Variants in PWWP3B observed in about 807,000 individuals in gnomAD.
PWWP3B encodes the protein PWWP domain containing 3B, also known as PWWP domain-containing DNA repair factor 3B.
In PWWP3B, 5 loss-of-function variants were observed where a neutral mutation model predicts 15.7. The ratio of observed to expected loss-of-function variants is 0.32; its 90% CI spans 0.17 to 0.67. The LOEUF (loss-of-function observed/expected upper bound fraction) is 0.67, where lower values mean the gene tolerates loss of function less well. Among genes scored for constraint, PWWP3B ranks in the 30% least tolerant of loss-of-function variants. PWWP3B has a pLI of 0.74. For missense variants in PWWP3B, 519 were observed against 493.1 expected (o/e 1.05, Z -0.50); for synonymous variants, 203 against 179.8 (o/e 1.13, Z -1.03).
At position 106,206,365 on chromosome X, in the gene PWWP3B, G is replaced by A; in HGVS notation, c.933G>A (p.Gly311=). The A allele has an allele frequency of 1.7e-6, 2 of 1,205,072 alleles. No individual in the cohort carries two copies. Among genetic ancestry groups the A allele is most frequent in the East Asian group, 3.0e-5 (1 of 33,734 alleles). ...AGATGGGGGCTGCAGCATGCCCTGG[G>A]AGTTGTTCAAGGGAATGCGAGGTTT... The part of the protein sequence containing the change: ...ESEMGAAACP[G]SCSRECEVSF... The change falls in exon 4 of 4, where the codon GGG becomes GGA. Residue 311 remains glycine, a synonymous_variant. Coordinates refer to ENST00000357175, the MANE Select transcript of PWWP3B (RefSeq NM_001171020.2).
At position 106,169,878 on chromosome X, in the gene PWWP3B, T is replaced by A. The variant is rs747766448; in HGVS notation, c.-528-1134T>A. On this transcript the variant is annotated intron_variant, in intron 1 of 3. Transcript: ENST00000357175. ...ATTTGTTTACCAAAAAGAATGTGCA[T>A]GCATTCGTACAGTGTATGCAATAAA... Among the ~76,000 whole-genome samples the A allele has an allele frequency of 7.1e-5, 8 of 112,081 alleles. No homozygotes were observed. In the South Asian group the frequency reaches 3.0e-3, roughly 42 times the overall value.
chrX:106,179,679 A>G (rs1384401331), intron 2 of PWWP3B, among the ~76,000 whole-genome samples: 1 of 111,822 alleles, frequency 8.9e-6, no homozygotes, highest in East Asian at 2.8e-4. Flanking sequence ...AAGAATTAAC[A>G]CAGCTGGATC....
chrX:106,173,522 G>C (rs1002491592), intron 2 of PWWP3B, among the ~76,000 whole-genome samples: 1 of 110,349 alleles, frequency 9.1e-6, no homozygotes, highest in East Asian at 2.8e-4. Context: ...TTTTTTATCT[G>C]ATCTCTTTTC....
At chrX:106,175,040 CAAAAA>C (rs61441273) in intron 2 of PWWP3B, among the ~76,000 whole-genome samples, 1 of 43,544 alleles carries the variant, frequency 2.3e-5, no homozygotes. Context: ...GACTCTGTCT[CAAAAA>C]AAAAAAAAAA....
rs770879476 is a variant in PWWP3B at position 106,206,069 on chromosome X, G to C, written c.637G>C (p.Asp213His). ...TGAAAAAGAGAACAAGAATAAGATT[G>C]ATATCTCAGCAGTTATGTCTGTGCA... ...NDEKENKNKI[D>H]ISAVMSVHSA... The change falls in exon 4 of 4, where the codon GAT (aspartate) becomes CAT (histidine). Residue 213 changes from aspartate (D) to histidine (H), a missense_variant. Asp to His is a moderately conservative substitution (Grantham distance 81). Coordinates refer to ENST00000357175, the MANE Select transcript of PWWP3B (RefSeq NM_001171020.2). The C allele has an allele frequency of 1.7e-5, 20 of 1,209,432 alleles. No individual in the cohort carries two copies. The highest frequency in any genetic ancestry group is 2.3e-4 in the Middle Eastern group (1 of 4,369).
chrX:106,205,495 C>T lies in PWWP3B; in HGVS notation c.63C>T (p.Ser21=). Residue 21 remains serine (S), a synonymous_variant, in exon 4 of 4, where the codon TCC becomes TCT. Transcript: ENST00000357175. ...AGTTGTGGCCAGCAAAAGTTTTGTC[C>T]AGATCTGAAACTTCATCAAACAGTA... ...KDQLWPAKVL[S]RSETSSNSKR... is the part of the protein sequence containing the mutation. The T allele has an allele frequency of 2.5e-6, 3 of 1,198,078 alleles. No homozygotes were observed. Among genetic ancestry groups the T allele is most frequent in the Non-Finnish European group, 3.4e-6 (3 of 888,644 alleles).
In PWWP3B at chrX:106,187,467, G is replaced by T. The variant is rs765842116; in HGVS notation, c.-401+16328G>T. Among the ~76,000 whole-genome samples, 8 of 111,872 alleles carry T rather than the reference G, an allele frequency of 7.2e-5. No homozygotes were observed. The East Asian group carries it at 2.0e-3, about 27-fold the overall frequency. On this transcript the variant is annotated intron_variant, in intron 2 of 3. Transcript: ENST00000357175. ...TCCAATGTGGCAGGTTTATCCCTTTGTCCCTCTAAGTCACTAGTTGGTAAT... is the reference window on the plus strand; with the variant it reads ...TCCAATGTGGCAGGTTTATCCCTTTTTCCCTCTAAGTCACTAGTTGGTAAT...
chrX:106,173,290 C>A (rs1472933004), intron 2 of PWWP3B, among the ~76,000 whole-genome samples: 1 of 111,562 alleles, frequency 9.0e-6, no homozygotes, highest in African/African-American at 3.3e-5. Context: ...ACAATGTCCC[C>A]GATACTGCCA....
intron 2 of PWWP3B, among the ~76,000 whole-genome samples, chrX:106,197,520 T>C (rs1028563849): frequency 3.6e-5 from 4 of 112,020 alleles, no homozygotes; most frequent in African/African-American, 1.3e-4. Flanking sequence ...CTGATTACCT[T>C]CTGCATACCA....
At chrX:106,202,434 C>T (rs141123061) in intron 2 of PWWP3B, among the ~76,000 whole-genome samples, 1,557 of 111,363 alleles carry the variant, frequency 0.014, 22 homozygotes, top group African/African-American at 0.048. Context: ...AACAGCATAC[C>T]CATTTTGTTT....
At chrX:106,193,804 A>G (rs1293290117) in intron 2 of PWWP3B, among the ~76,000 whole-genome samples, 1 of 111,748 alleles carries the variant, frequency 8.9e-6, no homozygotes, top group Non-Finnish European at 1.9e-5. Context: ...TGTGAAGCTT[A>G]GTTTGGCTGG....
Position 106,205,856 on chromosome X carries a change from C to G in PWWP3B, c.424C>G (p.Pro142Ala). 1 of 1,211,320 alleles carries G rather than the reference C, an allele frequency of 8.3e-7. No homozygotes were observed. The highest frequency in any genetic ancestry group is 3.0e-5 in the East Asian group (1 of 33,805). The stretch of plus-strand genomic sequence containing the variant: ...ATACCGGAAGGATGAAGGTGACTTA[C>G]CAGGGTGTCTTGAGGAAAGGGAAAA... ...KKYRKDEGDL[P>A]GCLEERENSA... The change falls in exon 4 of 4, where the codon CCA becomes GCA. Residue 142 changes from proline to alanine, a missense_variant. Transcript: ENST00000357175.
intron 2 of PWWP3B, among the ~76,000 whole-genome samples, chrX:106,203,728 C>T (rs1472402163): frequency 8.9e-6 from 1 of 111,879 alleles, no homozygotes; most frequent in Non-Finnish European, 1.9e-5. Context: ...ATTGTTACTT[C>T]TTTTTTGCCT....
At position 106,172,124 on chromosome X, in the gene PWWP3B, A is replaced by T. The variant is rs1289389671; in HGVS notation, c.-401+985A>T. Among the ~76,000 whole-genome samples, 3 of 110,911 alleles carry T rather than the reference A, an allele frequency of 2.7e-5. 1 individual carries two copies. Among genetic ancestry groups the T allele is most frequent in the Non-Finnish European group, 5.7e-5 (3 of 53,034 alleles). ...AATGGTATACCTGTATAGGGGAATT[A>T]CCATGAATGGAGCTTGCAGGACTGG... On this transcript the variant is annotated intron_variant, in intron 2 of 3. Coordinates refer to ENST00000357175, the MANE Select transcript of PWWP3B (RefSeq NM_001171020.2).
chrX:106,183,029 C>T (rs1922300584), intron 2 of PWWP3B, among the ~76,000 whole-genome samples: 1 of 110,760 alleles, frequency 9.0e-6, no homozygotes, highest in Non-Finnish European at 1.9e-5. Context: ...GACGGTCCTG[C>T]AGGTTCCTCA....
chrX:106,176,888 C>T (rs12353922), intron 2 of PWWP3B, among the ~76,000 whole-genome samples: 16,006 of 111,690 alleles, frequency 0.14, 2,854 homozygotes, highest in African/African-American at 0.5. Flanking sequence ...CAGGGAATTG[C>T]TTATCCACAA....
intron 2 of PWWP3B, among the ~76,000 whole-genome samples, chrX:106,202,299 CAT>C (rs1307529417): frequency 9.0e-6 from 1 of 111,717 alleles, no homozygotes; most frequent in Non-Finnish European, 1.9e-5. Context: ...AATAATCTCT[CAT>C]GTTAACAGCA....
At position 106,185,369 on chromosome X, in the gene PWWP3B, C is replaced by G. The variant is rs145966568; in HGVS notation, c.-401+14230C>G. Among the ~76,000 whole-genome samples, 388 of 111,385 alleles carry G rather than the reference C, an allele frequency of 3.5e-3. 3 individuals are homozygous for G. Among genetic ancestry groups the G allele is most frequent in the African/African-American group, 0.012 (372 of 30,605 alleles). ...GTTCCCCCCACAGCCCAAGAACCTG[C>G]AACGGTACCTGGACCCTGCTGATCG... On this transcript the variant is annotated intron_variant, in intron 2 of 3. Transcript: ENST00000357175.
At chrX:106,184,208 A>G (rs1922374393) in intron 2 of PWWP3B, among the ~76,000 whole-genome samples, 1 of 111,267 alleles carries the variant, frequency 9.0e-6, no homozygotes, top group South Asian at 3.8e-4. Flanking sequence ...GATTTTATTC[A>G]GGGTCCAGGG....
Sources: allele counts gnomAD v4.1 joint callset (sites outside exome capture counted in the v4.1 genomes callset), GRCh38; gene constraint gnomAD v4.1.1; transcripts MANE v1.5; gene names NCBI Gene and HGNC (gene_info 2026-07-23, HGNC 2026-07-21).